The following CUX2 variants were observed in gnomAD, a reference collection of about 807,000 sequenced individuals.
CUX2 encodes the protein homeobox protein cut-like 2.
CUX2 carries 40 observed loss-of-function variants against 144.8 expected under a neutral mutation model. That is an observed-to-expected ratio of 0.28 (90% confidence interval 0.21 to 0.36). The LOEUF (loss-of-function observed/expected upper bound fraction) is 0.36. CUX2 is among the 10% of genes least tolerant of loss of function. CUX2 has a pLI of 1.00. For synonymous variants in CUX2, 827 were observed against 875.6 expected (o/e 0.94, Z 0.98); for missense variants, 1,615 against 1,994.0 (o/e 0.81, Z 3.62).
chr12:111,164,336 G>T (rs1304355150), intron 1 of CUX2, among the ~76,000 whole-genome samples: 2 of 152,164 alleles, frequency 1.3e-5, no homozygotes, highest in Non-Finnish European at 2.9e-5. Flanking sequence ...AGCACTTTGG[G>T]AGGCTGAGGC....
At position 111,187,066 on chromosome 12, in the gene CUX2, A is replaced by G. The variant is rs993435765; in HGVS notation, c.64-27134A>G. On this transcript the variant is annotated intron_variant, in intron 1 of 21. Coordinates refer to ENST00000261726, the MANE Select transcript of CUX2 (RefSeq NM_015267.4). ...AGTGCTGGGATTACAGGCATGAGCC[A>G]CTGTGCCTGGCAGCATGATGTATAT... 6.6e-5 allele frequency among the ~76,000 whole-genome samples: 10 copies of G among 152,240 alleles called. 1 individual carries two copies. The highest frequency in any genetic ancestry group is 2.4e-5 in the African/African-American group (1 of 41,466).
At chr12:111,129,404 T>C (rs1385391488) in intron 1 of CUX2, among the ~76,000 whole-genome samples, 3 of 151,216 alleles carry the variant, frequency 2.0e-5, no homozygotes, top group Admixed American at 6.5e-5. Flanking sequence ...GAAAGCACAA[T>C]GCTTCCATCC....
intron 1 of CUX2, among the ~76,000 whole-genome samples, chr12:111,188,793 A>G (rs934024122): frequency 2.0e-5 from 3 of 152,186 alleles, no homozygotes; most frequent in South Asian, 2.1e-4. Flanking sequence ...GATCTGATTC[A>G]TGTTTGTGAA....
chr12:111,246,878 C>T lies in CUX2; in HGVS notation c.223-16883C>T, dbSNP rs1883306120. Reference sequence around the variant, plus strand: ...CGTCCTTGACTGTCCCTCCTCAAAGCGCTGCTTCCCTGCCACCCTCTGCTG... The same window carrying T: ...CGTCCTTGACTGTCCCTCCTCAAAGTGCTGCTTCCCTGCCACCCTCTGCTG... On this transcript the variant is annotated intron_variant, in intron 3 of 21. Transcript: ENST00000261726. This position sits in a 1 kb window ranked among gnomAD's most constrained non-coding sequence, Gnocchi z 4.0. 2.0e-5 allele frequency among the ~76,000 whole-genome samples: 3 copies of T among 152,176 alleles called. No homozygotes were observed. The highest frequency in any genetic ancestry group is 2.0e-4 in the Admixed American group (3 of 15,280).
At chr12:111,241,407 C>T (rs1201133976) in intron 3 of CUX2, among the ~76,000 whole-genome samples, 4 of 152,340 alleles carry the variant, frequency 2.6e-5, no homozygotes, top group South Asian at 2.1e-4. Flanking sequence ...GCCCAATAGT[C>T]TGCAGTTTGT....
intron 3 of CUX2, among the ~76,000 whole-genome samples, chr12:111,259,655 G>T (rs954174087): frequency 2.0e-5 from 3 of 152,048 alleles, no homozygotes; most frequent in Non-Finnish European, 2.9e-5. Flanking sequence ...CTTGAGATCA[G>T]GAGTTCAAGA....
chr12:111,036,817 A>G (rs1391961661), intron 1 of CUX2, among the ~76,000 whole-genome samples: 2 of 151,990 alleles, frequency 1.3e-5, no homozygotes, highest in Non-Finnish European at 2.9e-5. Context: ...GCGTGCAAAC[A>G]TTTTGGCCCT....
At chr12:111,225,908 A>C (rs7978932) in intron 3 of CUX2, among the ~76,000 whole-genome samples, 2,172 of 152,326 alleles carry the variant, frequency 0.014, 46 homozygotes, top group African/African-American at 0.049. Context: ...CACGTCAGAT[A>C]TAATGAGAAG....
chr12:111,342,773 A>G (rs1468077379), intron 21 of CUX2, among the ~76,000 whole-genome samples: 4 of 152,098 alleles, frequency 2.6e-5, no homozygotes, highest in Non-Finnish European at 5.9e-5. Context: ...AGCCTGGGAA[A>G]CATAATGAAA....
Position 111,320,036 on chromosome 12 carries a change from C to T in CUX2, c.2027C>T (p.Pro676Leu), listed in dbSNP as rs1003474809. The change falls in exon 17 of 22, where the codon CCG becomes CTG. Residue 676 changes from proline (P) to leucine (L), a missense_variant. This residue lies in a region of CUX2 where 390 missense variants were observed against 387.1 expected (regional missense o/e 1.01). Transcript: ENST00000261726. The surrounding 1 kb of genome is among the most constrained non-coding windows in gnomAD (Gnocchi z 8.1). The part of the protein sequence containing the change: ...KGGEPKTSVA[P>L]LSIANGTTPA... ...GGCGAGCCCAAGACCTCGGTGGCCC[C>T]GCTGAGCATCGCCAACGGCACGACC... is the stretch of plus-strand genomic sequence containing the variant. 13 of 1,537,774 alleles carry T rather than the reference C, an allele frequency of 8.5e-6. No homozygotes were observed. The highest frequency in any genetic ancestry group is 1.4e-5 in the African/African-American group (1 of 72,258).
intron 1 of CUX2, among the ~76,000 whole-genome samples, chr12:111,097,169 G>T (rs1218050397): frequency 1.3e-5 from 2 of 152,174 alleles, no homozygotes; most frequent in Non-Finnish European, 2.9e-5. Flanking sequence ...TCTGATGGGA[G>T]CTCTGGTCCA....
At chr12:111,238,438 C>A (rs1420144399) in intron 3 of CUX2, among the ~76,000 whole-genome samples, 4 of 152,216 alleles carry the variant, frequency 2.6e-5, no homozygotes, top group South Asian at 4.1e-4. Context: ...GCAGATACCA[C>A]TTCATTATCC....
At chr12:111,060,726 C>G (rs1870730094) in intron 1 of CUX2, among the ~76,000 whole-genome samples, 1 of 152,158 alleles carries the variant, frequency 6.6e-6, no homozygotes, top group Non-Finnish European at 1.5e-5. Context: ...CCCAGCCCGG[C>G]CCAGCCTGTA....
At position 111,034,832 on chromosome 12, in the gene CUX2, G is replaced by T. The variant is rs1419296250; in HGVS notation, c.63+592G>T. On this transcript the variant is annotated intron_variant, in intron 1 of 21. Transcript: ENST00000261726. This position sits in a 1 kb window ranked among gnomAD's most constrained non-coding sequence, Gnocchi z 4.2. ...CTCAGCCTTCGCCGCCCGCCTGGCT[G>T]CGCAGCCCGGACGCGCCGCCACCCG... is the stretch of plus-strand genomic sequence containing the variant. Among the ~76,000 whole-genome samples the T allele has an allele frequency of 6.7e-6, 1 of 148,892 alleles. No homozygotes were observed. The highest frequency in any genetic ancestry group is 1.5e-5 in the Non-Finnish European group (1 of 66,738).
chr12:111,049,130 C>T (rs1347207260), intron 1 of CUX2, among the ~76,000 whole-genome samples: 1 of 152,076 alleles, frequency 6.6e-6, no homozygotes, highest in Non-Finnish European at 1.5e-5. Flanking sequence ...TGAATCCATC[C>T]ATCTATCCAT....
At chr12:111,144,445 G>A (rs1032925167) in intron 1 of CUX2, among the ~76,000 whole-genome samples, 3 of 152,158 alleles carry the variant, frequency 2.0e-5, no homozygotes, top group Non-Finnish European at 4.4e-5. Context: ...CCTTTTCCCA[G>A]CTTTTTAGCT....
chr12:111,180,469 T>A (rs1879097277), intron 1 of CUX2, among the ~76,000 whole-genome samples: 1 of 152,224 alleles, frequency 6.6e-6, no homozygotes, highest in Non-Finnish European at 1.5e-5. Context: ...AGCCGCCAGC[T>A]GTCCCTGCAA....
chr12:111,201,141 T>G (rs1880561071), intron 1 of CUX2, among the ~76,000 whole-genome samples: 2 of 152,114 alleles, frequency 1.3e-5, no homozygotes, highest in Admixed American at 6.5e-5. Flanking sequence ...GGCCGGGGCT[T>G]CTAGTTGCTG....
chr12:111,114,051 G>A (rs1043546251), intron 1 of CUX2, among the ~76,000 whole-genome samples: 3 of 152,186 alleles, frequency 2.0e-5, no homozygotes, highest in Non-Finnish European at 2.9e-5. Flanking sequence ...CTAAACATTT[G>A]CATATAGGTT....
Sources: allele counts gnomAD v4.1 joint callset (sites outside exome capture counted in the v4.1 genomes callset), GRCh38; gene constraint gnomAD v4.1.1; regional missense constraint gnomAD v4.1.1; non-coding constraint Gnocchi (gnomAD v3.1); transcripts MANE v1.5; gene names NCBI Gene and HGNC (gene_info 2026-07-23, HGNC 2026-07-21).